The following UNC5D variants were observed in gnomAD, a reference collection of about 807,000 sequenced individuals.
The protein encoded by UNC5D is unc-5 netrin receptor D.
A neutral mutation model predicts 105.4 loss-of-function variants in UNC5D; 39 were observed. That is an observed-to-expected ratio of 0.37 (90% CI 0.29 to 0.48). UNC5D has a LOEUF of 0.48. Among genes scored for constraint, UNC5D ranks in the 20% least tolerant of loss-of-function variants. The pLI is 0.98. For missense variants in UNC5D, 991 were observed against 1,202.4 expected (o/e 0.82, Z 2.60); for synonymous variants, 452 against 450.4 (o/e 1.00, Z -0.04).
At chr8:35,543,127 T>C (rs546968700) in intron 1 of UNC5D, among the ~76,000 whole-genome samples, 199 of 152,328 alleles carry the variant, frequency 1.3e-3, no homozygotes, top group African/African-American at 4.5e-3. Flanking sequence ...TGTAAAGTTC[T>C]TTAGTTTTAG....
intron 1 of UNC5D, among the ~76,000 whole-genome samples, chr8:35,435,656 G>A (rs1275168829): frequency 6.6e-6 from 1 of 152,094 alleles, no homozygotes; most frequent in Non-Finnish European, 1.5e-5. Flanking sequence ...AAGGGCCAAA[G>A]AAGTAAACAA....
At chr8:35,669,361 A>G (rs1210198937) in intron 4 of UNC5D, among the ~76,000 whole-genome samples, 1 of 152,116 alleles carries the variant, frequency 6.6e-6, no homozygotes, top group Non-Finnish European at 1.5e-5. Flanking sequence ...GACCAAGCCA[A>G]TAGTCAGTAC....
In UNC5D at chr8:35,291,175, A is replaced by G. The variant is rs545303598; in HGVS notation, c.103+55288A>G. On this transcript the variant is annotated intron_variant, in intron 1 of 16. Coordinates refer to ENST00000404895, the MANE Select transcript of UNC5D (RefSeq NM_080872.4). ...AATGGAAAAAACAACAACAAAAACA[A>G]CAAGATCTAACCACATGGTACCTAC... is the stretch of plus-strand genomic sequence containing the variant. Among the ~76,000 whole-genome samples the G allele has an allele frequency of 2.3e-4, 35 of 152,190 alleles. No individual in the cohort carries two copies. In the East Asian group the frequency reaches 6.0e-3, roughly 26 times the overall value.
chr8:35,759,654 C>T (rs1801429877), intron 14 of UNC5D, among the ~76,000 whole-genome samples, 185 bp downstream of exon 14: 3 of 152,156 alleles, frequency 2.0e-5, no homozygotes, highest in Admixed American at 2.0e-4. Context: ...CATAAATTAA[C>T]AGCATTCTAA....
intron 4 of UNC5D, among the ~76,000 whole-genome samples, chr8:35,632,420 G>T (rs1021866195): frequency 6.6e-6 from 1 of 152,194 alleles, no homozygotes; most frequent in African/African-American, 2.4e-5. Context: ...GATCACCATG[G>T]TTATGGAGGC....
At chr8:35,270,782 A>G (rs1408626015) in intron 1 of UNC5D, among the ~76,000 whole-genome samples, 4 of 152,176 alleles carry the variant, frequency 2.6e-5, no homozygotes, top group African/African-American at 9.6e-5. Context: ...ATGGCCGTTT[A>G]AAACAGTGGC....
At chr8:35,739,432 A>C (rs1293588451) in intron 11 of UNC5D, among the ~76,000 whole-genome samples, 1 of 152,196 alleles carries the variant, frequency 6.6e-6, no homozygotes, top group Non-Finnish European at 1.5e-5. Flanking sequence ...TCTCCACCTC[A>C]AACCCCCTCA....
chr8:35,671,165 G>A (rs1022426919), intron 4 of UNC5D, among the ~76,000 whole-genome samples: 2 of 151,950 alleles, frequency 1.3e-5, no homozygotes, highest in Non-Finnish European at 2.9e-5. Context: ...ATGGAAATGC[G>A]TTTTTGTCTG....
intron 1 of UNC5D, among the ~76,000 whole-genome samples, chr8:35,503,831 A>G (rs949376529): frequency 1.3e-4 from 20 of 152,148 alleles, no homozygotes; most frequent in African/African-American, 4.6e-4. Context: ...CTTAACATCT[A>G]AAGAAAGAGA....
At chr8:35,294,216 C>T (rs762563943) in intron 1 of UNC5D, among the ~76,000 whole-genome samples, 3 of 152,154 alleles carry the variant, frequency 2.0e-5, no homozygotes, top group East Asian at 1.9e-4. Context: ...CAAAACAGCA[C>T]GGTTAGCGTA....
chr8:35,439,413 A>G (rs1191576570), intron 1 of UNC5D, among the ~76,000 whole-genome samples: 2 of 152,054 alleles, frequency 1.3e-5, no homozygotes, highest in Non-Finnish European at 2.9e-5. Context: ...GGCAACAGAT[A>G]ACAAAACAAA....
chr8:35,642,859 A>C (rs1356719770), intron 4 of UNC5D, among the ~76,000 whole-genome samples: 1 of 152,142 alleles, frequency 6.6e-6, no homozygotes, highest in Non-Finnish European at 1.5e-5. Flanking sequence ...ATTACAAAAT[A>C]CATTTCCCCT....
At chr8:35,779,453 CTTT>C (rs1457697735) in intron 16 of UNC5D, among the ~76,000 whole-genome samples, 1 of 151,972 alleles carries the variant, frequency 6.6e-6, no homozygotes, top group Non-Finnish European at 1.5e-5. Context: ...AGGAGAGTGG[CTTT>C]TTTGTTTGCT....
intron 1 of UNC5D, among the ~76,000 whole-genome samples, chr8:35,495,104 G>C (rs1338436771): frequency 6.6e-6 from 1 of 152,114 alleles, no homozygotes; most frequent in Non-Finnish European, 1.5e-5. Flanking sequence ...TTGAGACTGG[G>C]AGCTTGACAG....
chr8:35,381,434 C>G (rs1175907843), intron 1 of UNC5D, among the ~76,000 whole-genome samples: 1 of 152,174 alleles, frequency 6.6e-6, no homozygotes, highest in Non-Finnish European at 1.5e-5. Context: ...TCCCTTCCAG[C>G]TACTGCCTCA....
intron 8 of UNC5D, among the ~76,000 whole-genome samples, chr8:35,706,569 A>C (rs999065429): frequency 1.3e-5 from 2 of 152,106 alleles, no homozygotes; most frequent in Non-Finnish European, 2.9e-5. Context: ...TATGCTCTTT[A>C]GTATCACCTG....
At chr8:35,513,473 C>CCTGCCT (rs1193135029) in intron 1 of UNC5D, among the ~76,000 whole-genome samples, 1 of 152,116 alleles carries the variant, frequency 6.6e-6, no homozygotes, top group African/African-American at 2.4e-5. Context: ...AGTTGATCCA[C>CCTGCCT]CTGCCTCTGC....
At chr8:35,392,060 TG>T (rs909718965) in intron 1 of UNC5D, among the ~76,000 whole-genome samples, 2 of 152,188 alleles carry the variant, frequency 1.3e-5, no homozygotes, top group African/African-American at 4.8e-5. Context: ...TAGAGTTCTG[TG>T]GGTAAGAAGT....
chr8:35,505,872 T>C (rs1292290330), intron 1 of UNC5D, among the ~76,000 whole-genome samples: 1 of 152,248 alleles, frequency 6.6e-6, no homozygotes, highest in East Asian at 1.9e-4. Flanking sequence ...ACTGGGTGAA[T>C]TAAGCAGGTT....
Sources: allele counts gnomAD v4.1 joint callset (sites outside exome capture counted in the v4.1 genomes callset), GRCh38; gene constraint gnomAD v4.1.1; transcripts MANE v1.5; gene names NCBI Gene and HGNC (gene_info 2026-07-23, HGNC 2026-07-21).